KIRREL1: variants seen among roughly 807,000 people sequenced by gnomAD.
The protein encoded by KIRREL1 is kin of IRRE-like protein 1.
Under a neutral mutation model 83.3 loss-of-function variants are expected in KIRREL1, and 25 were observed. The observed-to-expected ratio is 0.30, with a 90% CI of 0.22 to 0.42. The LOEUF is 0.42. KIRREL1 is among the 10% of genes least tolerant of loss of function. KIRREL1 has a pLI of 1.00. For missense variants in KIRREL1, 812 were observed against 1,032.3 expected (o/e 0.79, Z 2.92); for synonymous variants, 388 against 410.4 (o/e 0.95, Z 0.66).
At chr1:158,040,627 G>A (rs1341057576) in intron 1 of KIRREL1, among the ~76,000 whole-genome samples, 1 of 152,222 alleles carries the variant, frequency 6.6e-6, no homozygotes, top group East Asian at 1.9e-4. Flanking sequence ...CAGTGGAGGT[G>A]GTTTTTGAGC....
rs2101653773 is a variant in KIRREL1, at chr1:158,097,648, A to T, written c.*2528A>T. 1 of 153,542 alleles carries T rather than the reference A, an allele frequency of 6.5e-6. No homozygotes were observed. The highest frequency in any genetic ancestry group is 3.4e-3 in the Middle Eastern group (1 of 296). The allele number at this position is 153,542 out of a possible 1,614,324, so 9.5% of individuals were successfully genotyped here. A position where few individuals can be genotyped will look rare whatever the true frequency, so the allele number is the denominator to read the frequency against. On this transcript the variant is annotated 3_prime_UTR_variant, in exon 15 of 15. Transcript: ENST00000359209. ...TGTAACTTACGTGTTGGTGCATCAGAATCTGAATTGGAACCTACCTGATGG... is the reference window on the plus strand; with the variant it reads ...TGTAACTTACGTGTTGGTGCATCAGTATCTGAATTGGAACCTACCTGATGG...
intron 1 of KIRREL1, among the ~76,000 whole-genome samples, chr1:158,050,115 C>T (rs1187212293): frequency 6.6e-6 from 1 of 152,026 alleles, no homozygotes; most frequent in Non-Finnish European, 1.5e-5. Context: ...GTGCACATGC[C>T]TGTGAGATGT....
At chr1:158,056,343 C>T (rs555823108) in intron 1 of KIRREL1, among the ~76,000 whole-genome samples, 11 of 152,284 alleles carry the variant, frequency 7.2e-5, no homozygotes, top group East Asian at 5.8e-4. Context: ...ACTTGCCTTT[C>T]GCGTCAGGCT....
At chr1:158,014,795 C>T (rs147463550) in intron 1 of KIRREL1, among the ~76,000 whole-genome samples, 2 of 151,792 alleles carry the variant, frequency 1.3e-5, no homozygotes, top group African/African-American at 2.4e-5. Flanking sequence ...TCCTTGGATA[C>T]GACAGGCAAG....
chr1:158,020,577 A>T (rs986698393), intron 1 of KIRREL1, among the ~76,000 whole-genome samples: 5 of 136,080 alleles, frequency 3.7e-5, no homozygotes, highest in Non-Finnish European at 7.7e-5. Context: ...AGCATAGAGC[A>T]GAATGACTGC....
chr1:158,072,204 A>T (rs940146786), intron 1 of KIRREL1, among the ~76,000 whole-genome samples: 1 of 149,770 alleles, frequency 6.7e-6, no homozygotes, highest in African/African-American at 2.5e-5. Context: ...TGTCCTCTTC[A>T]CCTGCCCAGC....
At chr1:158,055,655 T>G (rs946242178) in intron 1 of KIRREL1, among the ~76,000 whole-genome samples, 2 of 152,184 alleles carry the variant, frequency 1.3e-5, no homozygotes, top group African/African-American at 4.8e-5. Flanking sequence ...TGAGCAGAAT[T>G]TATATGTCGC....
chr1:158,085,577 T>C (rs1230390527), intron 4 of KIRREL1, among the ~76,000 whole-genome samples: 2 of 152,210 alleles, frequency 1.3e-5, no homozygotes, highest in Admixed American at 6.5e-5. Context: ...CCATTTGTCA[T>C]CTACCCCCAT....
At chr1:158,024,245 G>A (rs1186102006) in intron 1 of KIRREL1, among the ~76,000 whole-genome samples, 2 of 149,210 alleles carry the variant, frequency 1.3e-5, no homozygotes, top group Admixed American at 6.7e-5. Context: ...CACTGCGCCC[G>A]GCCTGGTTTT....
rs560305366 is a variant in KIRREL1 at position 158,048,426 on chromosome 1, A to G, written c.53-27687A>G. 4.1e-4 allele frequency among the ~76,000 whole-genome samples: 63 copies of G among 152,328 alleles called. 1 individual carries two copies. Among genetic ancestry groups the G allele is most frequent in the African/African-American group, 1.4e-3 (59 of 41,572 alleles). The stretch of plus-strand genomic sequence containing the variant: ...TGCTCCACTGCTTCCCTTAAGAAGG[A>G]AAGGAGGAGAGAAACAAGACTAGGA... On this transcript the variant is annotated intron_variant, in intron 1 of 14. Transcript: ENST00000359209.
intron 1 of KIRREL1, among the ~76,000 whole-genome samples, chr1:158,070,408 T>C (rs1474666408): frequency 1.3e-5 from 2 of 152,232 alleles, no homozygotes; most frequent in Non-Finnish European, 2.9e-5. Flanking sequence ...AAACAGTGTC[T>C]ACAAGGCATC....
At chr1:158,030,474 G>A (rs1415738117) in intron 1 of KIRREL1, among the ~76,000 whole-genome samples, 1 of 152,154 alleles carries the variant, frequency 6.6e-6, no homozygotes, top group African/African-American at 2.4e-5. Flanking sequence ...CCTGCAAACC[G>A]AACCTGCTCC....
chr1:158,053,691 A>AC (rs1465713900), intron 1 of KIRREL1, among the ~76,000 whole-genome samples: 6 of 152,180 alleles, frequency 3.9e-5, no homozygotes, highest in African/African-American at 1.4e-4. Flanking sequence ...CTGATGATTG[A>AC]CCTGAGCCTC....
chr1:158,032,109 A>C (rs1660344911), intron 1 of KIRREL1, among the ~76,000 whole-genome samples: 1 of 145,028 alleles, frequency 6.9e-6, no homozygotes, highest in Non-Finnish European at 1.5e-5. Context: ...AAAAACAAAC[A>C]AACAAACACA....
chr1:158,094,849 CT>C lies in KIRREL1; in HGVS notation c.2004del (p.Gly669AlafsTer169). 1 of 1,613,990 alleles carries C rather than the reference CT, an allele frequency of 6.2e-7. No individual in the cohort carries two copies. The highest frequency in any genetic ancestry group is 8.5e-7 in the Non-Finnish European group (1 of 1,179,970). ...GACTATGGCCCTGAGCCCACACCCC[CT>C]GGCCCTGCTGCCCCAGCTGGCACTG... ...ASDYGPEPTP[P>X]GPAAPAGTDT... On this transcript the variant is annotated frameshift_variant, in exon 15 of 15. Coordinates refer to ENST00000359209, the MANE Select transcript of KIRREL1 (RefSeq NM_018240.7). LOFTEE classifies it high-confidence loss of function. The surrounding 1 kb of genome is among the most constrained non-coding windows in gnomAD (Gnocchi z 4.6).
At chr1:158,093,505 G>T in intron 12 of KIRREL1, 59 bp downstream of exon 12, 1 of 1,604,656 alleles carries the variant, frequency 6.2e-7, no homozygotes, top group Admixed American at 1.7e-5. Flanking sequence ...GGCCATGACA[G>T]GCAGTGCTTG....
At chr1:158,036,665 G>A (rs1468284171) in intron 1 of KIRREL1, among the ~76,000 whole-genome samples, 1 of 152,150 alleles carries the variant, frequency 6.6e-6, no homozygotes, top group South Asian at 2.1e-4. Context: ...TCCATGGACC[G>A]CGATGCTTGG....
chr1:158,043,879 C>T (rs1007394759), intron 1 of KIRREL1, among the ~76,000 whole-genome samples: 3 of 152,206 alleles, frequency 2.0e-5, no homozygotes, highest in African/African-American at 7.2e-5. Context: ...ATTTTTCCAG[C>T]TTCACCCTGC....
chr1:158,066,749 T>C (rs977418563), intron 1 of KIRREL1, among the ~76,000 whole-genome samples: 7 of 152,194 alleles, frequency 4.6e-5, no homozygotes, highest in Non-Finnish European at 8.8e-5. Flanking sequence ...TCTCTGGCCC[T>C]GGCCTAGTTT....
Sources: allele counts gnomAD v4.1 joint callset (sites outside exome capture counted in the v4.1 genomes callset), GRCh38; gene constraint gnomAD v4.1.1; non-coding constraint Gnocchi (gnomAD v3.1); transcripts MANE v1.5; gene names NCBI Gene and HGNC (gene_info 2026-07-23, HGNC 2026-07-21).